GCNT2: variants seen among roughly 807,000 people sequenced by gnomAD.
The protein encoded by GCNT2 is glucosaminyl (N-acetyl) transferase 2 (I blood group).
Under a neutral mutation model 34.2 loss-of-function variants are expected in GCNT2, and 34 were observed. That is an observed-to-expected ratio of 1.00 (90% confidence interval 0.76 to 1.32). The LOEUF is 1.32. GCNT2 is among the 40% of genes most tolerant of loss of function. The pLI, the probability that GCNT2 is intolerant of heterozygous loss-of-function variation, is 0.00. For synonymous variants in GCNT2, 212 were observed against 188.0 expected (o/e 1.13, Z -1.04); for missense variants, 584 against 489.4 (o/e 1.19, Z -1.82).
chr6:10,626,823 T>C lies in GCNT2; in HGVS notation c.*216T>C, dbSNP rs1581501108. Reference sequence around the variant, plus strand: ...GAGCAATCTGGGCACTTTGGCCAATTTTAGTCTTGCTGTTTCTTGATGCTC... The same window carrying C: ...GAGCAATCTGGGCACTTTGGCCAATCTTAGTCTTGCTGTTTCTTGATGCTC... On this transcript the variant is annotated 3_prime_UTR_variant, in exon 5 of 5. Coordinates refer to ENST00000495262, the MANE Select transcript of GCNT2 (RefSeq NM_145649.5). The C allele has an allele frequency of 1.8e-6, 1 of 567,838 alleles. No homozygotes were observed. The highest frequency in any genetic ancestry group is 3.2e-6 in the Non-Finnish European group (1 of 316,762). The allele number at this position is 567,838 out of a possible 1,614,324, so 35.2% of individuals were successfully genotyped here.
At chr6:10,585,905 G>C (rs1379325287) in intron 3 of GCNT2, 29 of 1,592,134 alleles carry the variant, frequency 1.8e-5, no homozygotes, top group Non-Finnish European at 2.5e-5. Context: ...TTCAAGACTG[G>C]CAAGAGAAGC....
chr6:10,612,829 A>T (rs1202883189), intron 3 of GCNT2, among the ~76,000 whole-genome samples: 1 of 152,220 alleles, frequency 6.6e-6, no homozygotes, highest in Non-Finnish European at 1.5e-5. Context: ...CATAATGAAC[A>T]TCTTCATATA....
intron 3 of GCNT2, among the ~76,000 whole-genome samples, chr6:10,582,485 T>A (rs1764160076): frequency 1.1e-5 from 1 of 95,000 alleles, no homozygotes; most frequent in African/African-American, 6.5e-5. Flanking sequence ...CTATAATATA[T>A]ACTATAATAT....
intron 3 of GCNT2, among the ~76,000 whole-genome samples, chr6:10,582,285 TATAATATTAC>T (rs1216435175): frequency 1.7e-4 from 16 of 93,826 alleles, no homozygotes; most frequent in African/African-American, 4.6e-4. Context: ...TATAAATATA[TATAATATTAC>T]TATATATTTA....
chr6:10,554,158 T>C (rs1762595944), intron 3 of GCNT2, among the ~76,000 whole-genome samples: 1 of 152,204 alleles, frequency 6.6e-6, no homozygotes, highest in Admixed American at 6.5e-5. Context: ...GGTGTCTGGA[T>C]AAGCAGGTTG....
intron 3 of GCNT2, among the ~76,000 whole-genome samples, chr6:10,582,135 A>G (rs1212772795): frequency 7.2e-6 from 1 of 139,078 alleles, no homozygotes; most frequent in African/African-American, 2.6e-5. Context: ...ATAAATGCAT[A>G]TATGATATAT....
intron 3 of GCNT2, among the ~76,000 whole-genome samples, chr6:10,558,543 G>T (rs1288480802): frequency 6.6e-6 from 1 of 152,190 alleles, no homozygotes; most frequent in Non-Finnish European, 1.5e-5. Context: ...TATAAAACAT[G>T]ATGGGATTTC....
intron 3 of GCNT2, among the ~76,000 whole-genome samples, chr6:10,580,197 C>T (rs962812349): frequency 6.6e-6 from 1 of 151,918 alleles, no homozygotes; most frequent in South Asian, 2.1e-4. Context: ...TCAGGTTTCT[C>T]ACTTCTCTGA....
At chr6:10,535,510 C>T (rs1011976426) in intron 3 of GCNT2, among the ~76,000 whole-genome samples, 1 of 152,200 alleles carries the variant, frequency 6.6e-6, no homozygotes, top group Non-Finnish European at 1.5e-5. Flanking sequence ...GCAAGTTCAT[C>T]CACCTCCCAC....
chr6:10,582,466 T>C (rs1764157853), intron 3 of GCNT2, among the ~76,000 whole-genome samples: 8 of 113,026 alleles, frequency 7.1e-5, no homozygotes, highest in Non-Finnish European at 1.2e-4. Flanking sequence ...ATAATAAATA[T>C]AATATATACT....
chr6:10,582,268 TTAAATATA>T (rs1301232216), intron 3 of GCNT2, among the ~76,000 whole-genome samples: 1 of 112,240 alleles, frequency 8.9e-6, no homozygotes, highest in Non-Finnish European at 1.7e-5. Flanking sequence ...ATACTATATA[TTAAATATA>T]TAAATATATA....
chr6:10,573,598 AGCTAAG>A (rs1358398842), intron 3 of GCNT2, among the ~76,000 whole-genome samples: 3 of 152,216 alleles, frequency 2.0e-5, no homozygotes, highest in African/African-American at 7.2e-5. Context: ...AAAATTGGAA[AGCTAAG>A]GCACAGTAAT....
At chr6:10,546,653 C>T (rs971758067) in intron 3 of GCNT2, among the ~76,000 whole-genome samples, 2 of 151,590 alleles carry the variant, frequency 1.3e-5, no homozygotes, top group Non-Finnish European at 2.9e-5. Context: ...GGTGAGACTC[C>T]GTTTAAAAGA....
At chr6:10,548,494 A>G (rs1312972378) in intron 3 of GCNT2, among the ~76,000 whole-genome samples, 2 of 152,236 alleles carry the variant, frequency 1.3e-5, no homozygotes, top group Non-Finnish European at 2.9e-5. Flanking sequence ...AATGCCAGCT[A>G]TCAGCGTCAT....
At chr6:10,533,822 AAAAAG>A (rs1185623260) in intron 3 of GCNT2, among the ~76,000 whole-genome samples, 10 of 150,278 alleles carry the variant, frequency 6.7e-5, no homozygotes, top group African/African-American at 2.4e-4. Flanking sequence ...AAAAAAAAAA[AAAAAG>A]AATGTATTTT....
chr6:10,600,538 T>A (rs1229181228), intron 3 of GCNT2, among the ~76,000 whole-genome samples: 1 of 152,120 alleles, frequency 6.6e-6, no homozygotes, highest in East Asian at 1.9e-4. Flanking sequence ...ATGCTGCCCC[T>A]GGGAGCCAAC....
chr6:10,556,673 GC>G (rs1561796722), intron 3 of GCNT2: 1 of 1,614,088 alleles, frequency 6.2e-7, no homozygotes, highest in South Asian at 1.1e-5. Flanking sequence ...CTACATCACA[GC>G]CCCTTTATCT....
At position 10,586,302 on chromosome 6, in the gene GCNT2, A is replaced by G. The variant is rs1297680546; in HGVS notation, c.926-35049A>G. ...TTTGGCCTATGTCATGGTCATCCATAAGGACTTTGACACCTTTGAAAGGCT... is the reference window on the plus strand; with the variant it reads ...TTTGGCCTATGTCATGGTCATCCATGAGGACTTTGACACCTTTGAAAGGCT... On this transcript the variant is annotated intron_variant, in intron 3 of 4. Transcript: ENST00000495262. 3.7e-6 allele frequency: 6 copies of G among 1,614,046 alleles called. No individual in the cohort carries two copies. The Admixed American group carries it at 5.0e-5, about 13-fold the overall frequency.
chr6:10,596,273 T>C lies in GCNT2; in HGVS notation c.926-25078T>C, dbSNP rs770835429. On this transcript the variant is annotated intron_variant, in intron 3 of 4. Coordinates refer to ENST00000495262, the MANE Select transcript of GCNT2 (RefSeq NM_145649.5). The stretch of plus-strand genomic sequence containing the variant: ...GTGCAGTGACTCACACCTGTAATCC[T>C]AGCACTTTGGGAGGCCTAGGCGGGT... Among the ~76,000 whole-genome samples the C allele has an allele frequency of 5.3e-4, 80 of 152,054 alleles. 2 individuals are homozygous for C. The highest frequency in any genetic ancestry group is 1.3e-4 in the Admixed American group (2 of 15,256).
Sources: allele counts gnomAD v4.1 joint callset (sites outside exome capture counted in the v4.1 genomes callset), GRCh38; gene constraint gnomAD v4.1.1; transcripts MANE v1.5; gene names NCBI Gene and HGNC (gene_info 2026-07-23, HGNC 2026-07-21).